DENND5B: variants seen among roughly 807,000 people sequenced by gnomAD.
The protein encoded by DENND5B is DENN domain containing 5B.
Under a neutral mutation model 140.6 loss-of-function variants are expected in DENND5B, and 34 were observed. The observed-to-expected ratio is 0.24, with a 90% CI of 0.18 to 0.32. The LOEUF (loss-of-function observed/expected upper bound fraction) is 0.32, where lower values mean the gene tolerates loss of function less well. Ranked by LOEUF, DENND5B falls within the 10% of genes least tolerant of loss-of-function variation. DENND5B has a pLI of 1.00. For missense variants in DENND5B, 1,142 were observed against 1,560.2 expected, an observed-to-expected ratio of 0.73 and a Z score of 4.52; for synonymous variants, 551 against 562.1, an observed-to-expected ratio of 0.98 and a Z score of 0.28.
intron 1 of DENND5B, among the ~76,000 whole-genome samples, chr12:31,551,922 G>T (rs2139251390): frequency 6.6e-6 from 1 of 152,354 alleles, no homozygotes; most frequent in Admixed American, 6.5e-5. Context: ...TTTGTATCCT[G>T]AGACTTTGCT....
At chr12:31,547,552 C>T (rs1948903643) in intron 1 of DENND5B, among the ~76,000 whole-genome samples, 2 of 152,084 alleles carry the variant, frequency 1.3e-5, no homozygotes, top group East Asian at 1.9e-4. Flanking sequence ...ACACATGCCA[C>T]CAAGCTGGCT....
At chr12:31,413,745 C>T (rs571171530) in intron 12 of DENND5B, among the ~76,000 whole-genome samples, 181 bp from the exon 13 acceptor site, 1 of 152,286 alleles carries the variant, frequency 6.6e-6, no homozygotes, top group South Asian at 2.1e-4. Flanking sequence ...GTTAGTCTCA[C>T]ATCATAATTG....
intron 6 of DENND5B, among the ~76,000 whole-genome samples, chr12:31,445,690 G>A (rs1170473563): frequency 3.3e-5 from 4 of 122,644 alleles, no homozygotes; most frequent in South Asian, 3.0e-4. Context: ...GAGTGACAGC[G>A]AGATTCTGTT....
At chr12:31,471,750 G>C (rs1945572794) in intron 3 of DENND5B, among the ~76,000 whole-genome samples, 1 of 152,090 alleles carries the variant, frequency 6.6e-6, no homozygotes, top group African/African-American at 2.4e-5. Flanking sequence ...TGCTTGGGTT[G>C]ACACAGGGCC....
At position 31,479,633 on chromosome 12, in the gene DENND5B, A is replaced by G; in HGVS notation, c.860T>C (p.Phe287Ser). The change falls in exon 3 of 21, where the codon TTT (phenylalanine) becomes TCT (serine). Residue 287 changes from phenylalanine (F) to serine (S), a missense_variant. By Grantham distance (155) the Phe-to-Ser change is radical. Coordinates refer to ENST00000389082, the MANE Select transcript of DENND5B (RefSeq NM_144973.4). ...LLGLENLVQVFTCVLLEMQIL... is the reference protein window; with the variant it reads ...LLGLENLVQVSTCVLLEMQIL... ...TTGCATCTCTAAAAGAACACAGGTA[A>G]ACACCTGCACCAGGTTCTCTAATCC... 1 of 1,527,352 alleles carries G rather than the reference A, an allele frequency of 6.5e-7. No individual in the cohort carries two copies. Among genetic ancestry groups the G allele is most frequent in the Non-Finnish European group, 8.8e-7 (1 of 1,140,284 alleles). 94.6% of individuals were successfully genotyped at this position (1,527,352 alleles called of 1,614,324 possible). A position where few individuals can be genotyped will look rare whatever the true frequency, so the allele number is the denominator to read the frequency against.
intron 1 of DENND5B, among the ~76,000 whole-genome samples, chr12:31,545,114 GCCTACAT>G (rs1193979654): frequency 6.6e-6 from 1 of 152,040 alleles, no homozygotes; most frequent in African/African-American, 2.4e-5. Flanking sequence ...CAGAGCCAGA[GCCTACAT>G]CCTTGGGATT....
intron 17 of DENND5B, among the ~76,000 whole-genome samples, chr12:31,395,020 A>C (rs1593046479): frequency 6.6e-6 from 1 of 152,312 alleles, no homozygotes; most frequent in South Asian, 2.1e-4. Flanking sequence ...ATAAACAGAT[A>C]TATATCACTA....
At chr12:31,500,975 C>A (rs1165352966) in intron 1 of DENND5B, among the ~76,000 whole-genome samples, 1 of 152,150 alleles carries the variant, frequency 6.6e-6, no homozygotes, top group Non-Finnish European at 1.5e-5. Context: ...CTCATCAAAA[C>A]TATCAAGGAC....
intron 4 of DENND5B, among the ~76,000 whole-genome samples, chr12:31,454,337 C>T (rs527456783): frequency 3.9e-4 from 59 of 152,306 alleles, no homozygotes; most frequent in Admixed American, 1.3e-3. Context: ...GGCTTATGGC[C>T]TTTCCCTGCT....
chr12:31,445,702 C>CA (rs11409295), intron 6 of DENND5B, among the ~76,000 whole-genome samples: 84,653 of 144,510 alleles, frequency 0.59, 24,542 homozygotes, highest in East Asian at 0.85. Context: ...GATTCTGTTT[C>CA]AAAAAAAAAA....
intron 4 of DENND5B, among the ~76,000 whole-genome samples, chr12:31,452,847 G>A (rs1005360153): frequency 2.0e-5 from 3 of 152,000 alleles, no homozygotes; most frequent in Non-Finnish European, 2.9e-5. Context: ...CTGGGTCTCA[G>A]CAATATATTA....
At chr12:31,405,538 G>GT (rs1212062792) in intron 14 of DENND5B, among the ~76,000 whole-genome samples, 7 of 151,750 alleles carry the variant, frequency 4.6e-5, no homozygotes, top group African/African-American at 1.7e-4. Context: ...ATGTATGTAT[G>GT]TATGTATGTA....
chr12:31,526,347 T>C (rs1034943739), intron 1 of DENND5B, among the ~76,000 whole-genome samples: 1 of 152,094 alleles, frequency 6.6e-6, no homozygotes, highest in African/African-American at 2.4e-5. Flanking sequence ...CATGAAAGGA[T>C]TGGGAAGCTC....
At chr12:31,397,587 T>A in intron 17 of DENND5B, among the ~76,000 whole-genome samples, 1 of 132,208 alleles carries the variant, frequency 7.6e-6, no homozygotes, top group East Asian at 2.4e-4. Flanking sequence ...TAGATATGGC[T>A]ATCTGGGAGT....
At chr12:31,462,725 G>A (rs907926187) in intron 3 of DENND5B, among the ~76,000 whole-genome samples, 3 of 152,122 alleles carry the variant, frequency 2.0e-5, no homozygotes, top group African/African-American at 4.8e-5. Context: ...TTGGGAGACC[G>A]AGGTGGGTGG....
chr12:31,458,208 A>G (rs1474479631), intron 4 of DENND5B, among the ~76,000 whole-genome samples: 2 of 152,230 alleles, frequency 1.3e-5, no homozygotes, highest in Non-Finnish European at 2.9e-5. Flanking sequence ...ATAGAGATGG[A>G]AAGGTTTCCC....
chr12:31,430,715 G>A (rs987289623), intron 8 of DENND5B, among the ~76,000 whole-genome samples: 1 of 152,156 alleles, frequency 6.6e-6, no homozygotes, highest in East Asian at 1.9e-4. Flanking sequence ...TTTATATAAA[G>A]GAAAACAAGC....
At chr12:31,546,126 A>T (rs755911032) in intron 1 of DENND5B, among the ~76,000 whole-genome samples, 3 of 151,878 alleles carry the variant, frequency 2.0e-5, no homozygotes, top group Non-Finnish European at 2.9e-5. Context: ...ATTTTCTGTG[A>T]TTTTAAAAAT....
At chr12:31,525,452 A>G (rs1367150322) in intron 1 of DENND5B, among the ~76,000 whole-genome samples, 1 of 152,250 alleles carries the variant, frequency 6.6e-6, no homozygotes, top group Non-Finnish European at 1.5e-5. Context: ...TTCTATTTAT[A>G]TGAAATACCA....
Sources: allele counts gnomAD v4.1 joint callset (sites outside exome capture counted in the v4.1 genomes callset), GRCh38; gene constraint gnomAD v4.1.1; transcripts MANE v1.5; gene names NCBI Gene and HGNC (gene_info 2026-07-23, HGNC 2026-07-21).